FILIP1: variants seen among roughly 807,000 people sequenced by gnomAD.
The protein encoded by FILIP1 is filamin A interacting protein 1, also known as filamin-A-interacting protein 1.
Under a neutral mutation model 102.1 loss-of-function variants are expected in FILIP1, and 61 were observed. The observed-to-expected ratio is 0.60, with a 90% confidence interval of 0.49 to 0.74. The LOEUF is 0.74. Among genes scored for constraint, FILIP1 ranks in the 30% least tolerant of loss-of-function variants. FILIP1 has a pLI of 0.00. For synonymous variants in FILIP1, 491 were observed against 526.9 expected, an observed-to-expected ratio of 0.93 and a Z score of 0.93; for missense variants, 1,314 against 1,441.2, an observed-to-expected ratio of 0.91 and a Z score of 1.43.
chr6:75,389,705 G>C (rs1776219159), intron 2 of FILIP1, among the ~76,000 whole-genome samples: 4 of 152,178 alleles, frequency 2.6e-5, no homozygotes, highest in African/African-American at 9.7e-5. Flanking sequence ...ATTTCTGTGA[G>C]ATAAGTGTTG....
intron 4 of FILIP1, among the ~76,000 whole-genome samples, chr6:75,316,646 T>C (rs568236236): frequency 2.0e-5 from 3 of 152,278 alleles, no homozygotes; most frequent in East Asian, 3.9e-4. Context: ...GATTTTTTCA[T>C]AGAATTTACT....
intron 1 of FILIP1, among the ~76,000 whole-genome samples, chr6:75,471,243 C>G (rs1433710525): frequency 6.8e-6 from 1 of 147,962 alleles, no homozygotes; most frequent in Non-Finnish European, 1.5e-5. Context: ...AAGACAAGTA[C>G]TAGGAGAAGG....
At chr6:75,326,522 T>G (rs1032424856) in intron 4 of FILIP1, among the ~76,000 whole-genome samples, 1 of 152,148 alleles carries the variant, frequency 6.6e-6, no homozygotes, top group African/African-American at 2.4e-5. Flanking sequence ...AAATAAAGCT[T>G]AAATAAAGCC....
intron 1 of FILIP1, among the ~76,000 whole-genome samples, chr6:75,444,494 TTGA>T (rs1481979995): frequency 6.6e-6 from 1 of 152,212 alleles, no homozygotes; most frequent in Non-Finnish European, 1.5e-5. Context: ...TGTAATTATA[TTGA>T]TGTTCATATT....
intron 1 of FILIP1, among the ~76,000 whole-genome samples, chr6:75,426,702 A>G (rs1438352873): frequency 1.3e-5 from 2 of 151,966 alleles, no homozygotes; most frequent in African/African-American, 4.8e-5. Context: ...AGCAGTAGAG[A>G]TAGGGGCATT....
chr6:75,361,591 A>G (rs1419066739), intron 3 of FILIP1, among the ~76,000 whole-genome samples: 1 of 152,212 alleles, frequency 6.6e-6, no homozygotes, highest in Non-Finnish European at 1.5e-5. Flanking sequence ...AAATTCTAAT[A>G]ACTAATACTT....
chr6:75,335,147 A>G (rs1293866650), intron 4 of FILIP1, among the ~76,000 whole-genome samples: 2 of 152,204 alleles, frequency 1.3e-5, no homozygotes, highest in African/African-American at 4.8e-5. Flanking sequence ...AGCCTAATCT[A>G]TGATTCAGCC....
intron 2 of FILIP1, among the ~76,000 whole-genome samples, chr6:75,407,515 C>T (rs150548883): frequency 2.6e-4 from 40 of 152,274 alleles, no homozygotes; most frequent in Middle Eastern, 3.4e-3. Flanking sequence ...CGTGAGCCAC[C>T]GCGCCCGACC....
At chr6:75,439,392 T>C (rs978580008) in intron 1 of FILIP1, among the ~76,000 whole-genome samples, 1 of 151,060 alleles carries the variant, frequency 6.6e-6, no homozygotes, top group African/African-American at 2.4e-5. Context: ...AAATGGATTG[T>C]AAGAAAATAT....
intron 1 of FILIP1, among the ~76,000 whole-genome samples, chr6:75,417,598 GCTT>G (rs2149691405): frequency 6.6e-6 from 1 of 152,214 alleles, no homozygotes; most frequent in Admixed American, 6.6e-5. Flanking sequence ...CTCACTTACT[GCTT>G]CTTAAGTGTT....
Position 75,423,615 on chromosome 6 carries a change from C to T in FILIP1, c.-6-8637G>A, listed in dbSNP as rs4301274. 8.8e-3 allele frequency among the ~76,000 whole-genome samples: 1,338 copies of T among 152,260 alleles called. 49 individuals carry two copies. In the East Asian group the frequency reaches 0.12, roughly 14 times the overall value. On this transcript the variant is annotated intron_variant, in intron 1 of 5. Transcript: ENST00000237172. ...GCACTGAAAACTGTAATGCCTGCAG[C>T]TGGCCTTGGTCAAGAGAAAGGGCCC... is the stretch of plus-strand genomic sequence containing the variant.
intron 2 of FILIP1, chr6:75,398,904 A>C (rs1291574738): frequency 1.3e-5 from 2 of 152,174 alleles, no homozygotes; most frequent in East Asian, 3.8e-4. Context: ...CCAAAGGAAG[A>C]GAAGATGGGC....
In FILIP1 at chr6:75,353,624, C is replaced by T. The variant is rs547365892; in HGVS notation, c.544G>A (p.Glu182Lys). Residue 182 changes from glutamate (E) to lysine (K), a missense_variant, in exon 4 of 6, where the codon GAG (glutamate) becomes AAG (lysine). By Grantham distance (56) the Glu-to-Lys change is moderately conservative. Around this residue, in one of 3 missense-constraint regions of FILIP1, gnomAD observed 494 missense variants for 511.2 expected, o/e 0.97. Transcript: ENST00000237172. ...TGTTTATGCTTCTCGTTCTCTAACT[C>T]GTATACGGTGCGCCTATGACACTTC... Reference protein sequence around the residue: ...AEKCHRRTVYELENEKHKHTD... With the variant: ...AEKCHRRTVYKLENEKHKHTD... The T allele has an allele frequency of 5.0e-6, 8 of 1,614,066 alleles. No homozygotes were observed. The highest frequency in any genetic ancestry group is 1.6e-4 in the Middle Eastern group (1 of 6,084).
At chr6:75,303,752 GGAGAGAGAGA>G (rs137957853), downstream of FILIP1, among the ~76,000 whole-genome samples, 2 of 147,518 alleles carry the variant, frequency 1.4e-5, no homozygotes, top group African/African-American at 2.5e-5. Flanking sequence ...AGAGAAAGAG[GGAGAGAGAGA>G]GAGAGAGAGA....
At chr6:75,446,944 T>C (rs1778460898) in intron 1 of FILIP1, among the ~76,000 whole-genome samples, 1 of 152,180 alleles carries the variant, frequency 6.6e-6, no homozygotes, top group African/African-American at 2.4e-5. Context: ...ACATCTTCTC[T>C]TTTTGGTTTT....
intron 4 of FILIP1, among the ~76,000 whole-genome samples, chr6:75,322,822 T>C (rs927448044): frequency 6.6e-6 from 1 of 152,066 alleles, no homozygotes; most frequent in Non-Finnish European, 1.5e-5. Flanking sequence ...GCCTCCTGAG[T>C]AGCTGGGACT....
intron 2 of FILIP1, among the ~76,000 whole-genome samples, chr6:75,388,826 A>G (rs1776185814): frequency 6.6e-6 from 1 of 151,852 alleles, no homozygotes; most frequent in African/African-American, 2.4e-5. Flanking sequence ...TGCAGAGATA[A>G]TTTGCTTCCT....
intron 2 of FILIP1, among the ~76,000 whole-genome samples, chr6:75,414,212 AAG>A (rs1777173773): frequency 6.6e-6 from 1 of 151,776 alleles, no homozygotes; most frequent in African/African-American, 2.4e-5. Flanking sequence ...AAGTTAAAAA[AAG>A]AGAGAAAAGA....
intron 1 of FILIP1, among the ~76,000 whole-genome samples, chr6:75,418,895 G>A (rs1777359277): frequency 6.6e-6 from 1 of 151,992 alleles, no homozygotes; most frequent in Non-Finnish European, 1.5e-5. Context: ...AATTTACACG[G>A]AATTTGCTAA....
Sources: allele counts gnomAD v4.1 joint callset (sites outside exome capture counted in the v4.1 genomes callset), GRCh38; gene constraint gnomAD v4.1.1; regional missense constraint gnomAD v4.1.1; transcripts MANE v1.5; gene names NCBI Gene and HGNC (gene_info 2026-07-23, HGNC 2026-07-21).